HAPLN3: variants seen among roughly 807,000 people sequenced by gnomAD.
HAPLN3 encodes the protein hyaluronan and proteoglycan link protein 3.
In HAPLN3, 28 loss-of-function variants were observed where a neutral mutation model predicts 28.1. The ratio of observed to expected loss-of-function variants is 1.00; its 90% CI spans 0.74 to 1.37. The LOEUF is 1.37. HAPLN3 is among the 40% of genes most tolerant of loss of function. The pLI, the probability that HAPLN3 is intolerant of heterozygous loss-of-function variation, is 0.00. For synonymous variants in HAPLN3, 211 were observed against 213.1 expected (o/e 0.99, Z 0.09); for missense variants, 513 against 504.6 (o/e 1.02, Z -0.16).
chr15:88,890,554 G>A (rs537599790), intron 1 of HAPLN3, among the ~76,000 whole-genome samples: 1 of 152,182 alleles, frequency 6.6e-6, no homozygotes, highest in African/African-American at 2.4e-5. Flanking sequence ...AAGTAACAGA[G>A]GTCTAGATGG....
intron 1 of HAPLN3, among the ~76,000 whole-genome samples, chr15:88,887,937 T>G (rs1897909232): frequency 6.6e-6 from 1 of 151,626 alleles, no homozygotes; most frequent in South Asian, 2.1e-4. Context: ...CACTCCAGCC[T>G]GGGCAACAAG....
chr15:88,881,044 C>T lies in HAPLN3; in HGVS notation c.493+313G>A. The T allele has an allele frequency of 5.0e-6, 2 of 398,250 alleles. No individual in the cohort carries two copies. The highest frequency in any genetic ancestry group is 1.1e-4 in the East Asian group (2 of 18,796). 24.7% of individuals were successfully genotyped at this position (398,250 alleles called of 1,614,324 possible). ...TCTCTAATAAGCTGTGGGACCAGCT[C>T]TGGTTTTCCTCTCTCTGAATGAGAT... On this transcript the variant is annotated intron_variant, in intron 3 of 4. Coordinates refer to ENST00000359595, the MANE Select transcript of HAPLN3 (RefSeq NM_178232.4). The surrounding 1 kb of genome is among the most constrained non-coding windows in gnomAD (Gnocchi z 6.0).
At position 88,877,427 on chromosome 15, in the gene HAPLN3, G is replaced by C. The variant is rs1025488151; in HGVS notation, c.*543C>G. 6.5e-6 allele frequency: 1 copy of C among 153,286 alleles called. No homozygotes were observed. Among genetic ancestry groups the C allele is most frequent in the African/African-American group, 2.4e-5 (1 of 41,468 alleles). 9.5% of individuals were successfully genotyped at this position (153,286 alleles called of 1,614,324 possible). A position where few individuals can be genotyped will look rare whatever the true frequency, so the allele number is the denominator to read the frequency against. On this transcript the variant is annotated 3_prime_UTR_variant, in exon 5 of 5. Coordinates refer to ENST00000359595, the MANE Select transcript of HAPLN3 (RefSeq NM_178232.4). The surrounding 1 kb of genome is among the most constrained non-coding windows in gnomAD (Gnocchi z 5.1). ...GGAACCGAGAGGGGAAGGGGAACGG[G>C]GAGGGGAGTTTCTTCCTTCCCTCAG...
In HAPLN3 at chr15:88,878,968, CT is replaced by C. The variant is rs1267059104; in HGVS notation, c.794del (p.Lys265ArgfsTer13). 2 of 1,607,404 alleles carry C rather than the reference CT, an allele frequency of 1.2e-6. No individual in the cohort carries two copies. Among genetic ancestry groups the C allele is most frequent in the African/African-American group, 2.7e-5 (2 of 74,868 alleles). ...CCCGCGCTTGGCTATTCCACTCACC[CT>C]TGAGGGCAGTAGCGAAGCAGAATAC... ...YDVFCFATAL[K>X]GRVYYLEHPE... On this transcript the variant is annotated frameshift_variant and splice_region_variant, in exon 4 of 5. Transcript: ENST00000359595. LOFTEE classifies it low-confidence loss of function (END_TRUNC).
Position 88,879,778 on chromosome 15 carries a change from A to T in HAPLN3, c.494-509T>A. The T allele has an allele frequency of 1.8e-6, 2 of 1,125,220 alleles. No homozygotes were observed. The highest frequency in any genetic ancestry group is 3.3e-5 in the African/African-American group (2 of 61,332). The allele number at this position is 1,125,220 out of a possible 1,614,324, so 69.7% of individuals were successfully genotyped here. A position where few individuals can be genotyped will look rare whatever the true frequency, so the allele number is the denominator to read the frequency against. On this transcript the variant is annotated intron_variant, in intron 3 of 4. Coordinates refer to ENST00000359595, the MANE Select transcript of HAPLN3 (RefSeq NM_178232.4). This position sits in a 1 kb window ranked among gnomAD's most constrained non-coding sequence, Gnocchi z 5.0. Reference sequence around the variant, plus strand: ...GAGGCCGTGGGGAGAGGGTTGGGGAAGGGCCTTCCATAAAGGAGGCTCAAG... The same window carrying T: ...GAGGCCGTGGGGAGAGGGTTGGGGATGGGCCTTCCATAAAGGAGGCTCAAG...
In HAPLN3 at chr15:88,881,381, C is replaced by A. The variant is rs149540064; in HGVS notation, c.469G>T (p.Gly157Cys). The part of the protein sequence containing the change: ...EVIDGLEDES[G>C]LVELELRGVV... ...CCCCGCAGCTCCAGCTCCACCAGAC[C>A]GCTTTCATCCTCCAGCCCGTCAATG... The change falls in exon 3 of 5, where the codon GGT becomes TGT. Residue 157 changes from glycine to cysteine, a missense_variant. Coordinates refer to ENST00000359595, the MANE Select transcript of HAPLN3 (RefSeq NM_178232.4). The surrounding 1 kb of genome is among the most constrained non-coding windows in gnomAD (Gnocchi z 6.0). 23 of 1,612,958 alleles carry A rather than the reference C, an allele frequency of 1.4e-5. No homozygotes were observed. The highest frequency in any genetic ancestry group is 1.8e-5 in the Non-Finnish European group (21 of 1,179,618).
In HAPLN3 at chr15:88,880,618, C is replaced by T; in HGVS notation, c.493+739G>A. 7.8e-7 allele frequency: 1 copy of T among 1,288,084 alleles called. No individual in the cohort carries two copies. Among genetic ancestry groups the T allele is most frequent in the Non-Finnish European group, 1.0e-6 (1 of 987,970 alleles). 79.8% of individuals were successfully genotyped at this position (1,288,084 alleles called of 1,614,324 possible). ...AGGACACACAGCCCCATCCTAGAGACAGAGAAGGTAAATACAAATTAAAGA... is the reference window on the plus strand; with the variant it reads ...AGGACACACAGCCCCATCCTAGAGATAGAGAAGGTAAATACAAATTAAAGA... On this transcript the variant is annotated intron_variant, in intron 3 of 4. Transcript: ENST00000359595. This position sits in a 1 kb window ranked among gnomAD's most constrained non-coding sequence, Gnocchi z 6.0.
At chr15:88,886,350 T>TAAAA (rs532267599) in intron 2 of HAPLN3, among the ~76,000 whole-genome samples, 35 of 127,884 alleles carry the variant, frequency 2.7e-4, no homozygotes, top group African/African-American at 9.7e-4. Context: ...GACTCCATCT[T>TAAAA]AAAAAAAAAA....
chr15:88,879,386 C>G lies in HAPLN3; in HGVS notation c.494-117G>C. On this transcript the variant is annotated intron_variant, in intron 3 of 4. Transcript: ENST00000359595. The surrounding 1 kb of genome is among the most constrained non-coding windows in gnomAD (Gnocchi z 5.0). ...CTGCCTGCAACACACACACATACAC[C>G]ATCCCTCAGAAAAACTCAGCAAACC... 6.4e-7 allele frequency: 1 copy of G among 1,552,838 alleles called. No individual in the cohort carries two copies. The highest frequency in any genetic ancestry group is 8.6e-7 in the Non-Finnish European group (1 of 1,157,338).
intron 2 of HAPLN3, among the ~76,000 whole-genome samples, chr15:88,884,838 G>C (rs1419807276): frequency 6.6e-6 from 1 of 152,136 alleles, no homozygotes; most frequent in Non-Finnish European, 1.5e-5. Flanking sequence ...CGTGACCAAG[G>C]AGGCAGAGCC....
At chr15:88,882,899 G>A (rs533025474) in intron 2 of HAPLN3, among the ~76,000 whole-genome samples, 5 of 152,270 alleles carry the variant, frequency 3.3e-5, no homozygotes, top group South Asian at 2.1e-4. Context: ...CCAGCTACTC[G>A]GGAGGCTGAG....
chr15:88,881,083 G>A lies in HAPLN3; in HGVS notation c.493+274C>T. On this transcript the variant is annotated intron_variant, in intron 3 of 4. Coordinates refer to ENST00000359595, the MANE Select transcript of HAPLN3 (RefSeq NM_178232.4). The surrounding 1 kb of genome is among the most constrained non-coding windows in gnomAD (Gnocchi z 6.0). ...TCTGAATGAGATGTGAATTACAGCG[G>A]GTAGAGGGGAACAGATTCTAGAGGC... The A allele has an allele frequency of 2.0e-6, 1 of 498,386 alleles. No homozygotes were observed. The highest frequency in any genetic ancestry group is 5.5e-4 in the Middle Eastern group (1 of 1,822). The allele number at this position is 498,386 out of a possible 1,614,324, so 30.9% of individuals were successfully genotyped here.
rs776806519 is a variant in HAPLN3, at chr15:88,880,030, G to GA, written c.494-762dup. On this transcript the variant is annotated intron_variant, in intron 3 of 4. Transcript: ENST00000359595. This position sits in a 1 kb window ranked among gnomAD's most constrained non-coding sequence, Gnocchi z 6.0. The stretch of plus-strand genomic sequence containing the variant: ...CTCCTCCGTGTGGCCAAGGACCCAG[G>GA]AACAGCCTGAGCCCCAAACCTCCGA... The GA allele has an allele frequency of 2.3e-4, 230 of 993,726 alleles. No homozygotes were observed. Among genetic ancestry groups the GA allele is most frequent in the Non-Finnish European group, 2.7e-4 (225 of 835,186 alleles). The allele number at this position is 993,726 out of a possible 1,614,324, so 61.6% of individuals were successfully genotyped here.
chr15:88,884,381 G>A (rs371539086), intron 2 of HAPLN3, among the ~76,000 whole-genome samples: 90 of 152,268 alleles, frequency 5.9e-4, no homozygotes, highest in African/African-American at 2.0e-3. Flanking sequence ...TGGCTAACAC[G>A]GTGAAACCCC....
At position 88,888,294 on chromosome 15, in the gene HAPLN3, C is replaced by T. The variant is rs1176135807; in HGVS notation, c.-47-949G>A. ...TTTTAGTACAGACGGGGTTTCACCG[C>T]GTTAGCCAGGATGATCTCAATCTCC... is the stretch of plus-strand genomic sequence containing the variant. On this transcript the variant is annotated intron_variant, in intron 1 of 4. Transcript: ENST00000359595. The surrounding 1 kb of genome is among the most constrained non-coding windows in gnomAD (Gnocchi z 4.1). Among the ~76,000 whole-genome samples, 3 of 151,854 alleles carry T rather than the reference C, an allele frequency of 2.0e-5. No homozygotes were observed. Among genetic ancestry groups the T allele is most frequent in the Non-Finnish European group, 4.4e-5 (3 of 67,980 alleles).
intron 1 of HAPLN3, among the ~76,000 whole-genome samples, chr15:88,890,901 T>A (rs4932442): frequency 6.6e-6 from 1 of 150,496 alleles, no homozygotes; most frequent in Non-Finnish European, 1.5e-5. Context: ...TTTTTGAGAC[T>A]AAGTCTCACT....
At chr15:88,886,923 GAAC>G (rs1897873260) in intron 2 of HAPLN3, among the ~76,000 whole-genome samples, 1 of 152,228 alleles carries the variant, frequency 6.6e-6, no homozygotes, top group South Asian at 2.1e-4. Flanking sequence ...GCTGGACCTT[GAAC>G]AACTGGCAAG....
At chr15:88,886,751 G>C (rs1897867236) in intron 2 of HAPLN3, among the ~76,000 whole-genome samples, 1 of 152,164 alleles carries the variant, frequency 6.6e-6, no homozygotes, top group East Asian at 1.9e-4. Flanking sequence ...CTTGAACCCG[G>C]GAGGCAGAGG....
rs1897707397 is a variant in HAPLN3 at position 88,881,656 on chromosome 15, C to T, written c.194G>A (p.Ser65Asn). 2 of 1,613,834 alleles carry T rather than the reference C, an allele frequency of 1.2e-6. No homozygotes were observed. Among genetic ancestry groups the T allele is most frequent in the Non-Finnish European group, 1.7e-6 (2 of 1,180,024 alleles). The change falls in exon 3 of 5, where the codon AGT becomes AAT. Residue 65 changes from serine to asparagine, a missense_variant. Coordinates refer to ENST00000359595, the MANE Select transcript of HAPLN3 (RefSeq NM_178232.4). This position sits in a 1 kb window ranked among gnomAD's most constrained non-coding sequence, Gnocchi z 6.0. The part of the protein sequence containing the change: ...EETLFTYQGA[S>N]VILPCRYRYE... ...GCGGTAGCGGCAGGGCAGGATCACA[C>T]TGGCCCCTTGGTAGGTGAACAGGGT...
Sources: allele counts gnomAD v4.1 joint callset (sites outside exome capture counted in the v4.1 genomes callset), GRCh38; gene constraint gnomAD v4.1.1; non-coding constraint Gnocchi (gnomAD v3.1); transcripts MANE v1.5; gene names NCBI Gene and HGNC (gene_info 2026-07-23, HGNC 2026-07-21).